CC2D2A: variants seen among roughly 807,000 people sequenced by gnomAD.
CC2D2A encodes the protein coiled-coil and C2 domain-containing protein 2A.
CC2D2A carries 155 observed loss-of-function variants against 212.9 expected under a neutral mutation model. That is an observed-to-expected ratio of 0.73 (90% CI 0.64 to 0.83). The LOEUF is 0.83. Ranked by LOEUF, CC2D2A falls within the 40% of genes least tolerant of loss-of-function variation. The pLI, the probability that CC2D2A is intolerant of heterozygous loss-of-function variation, is 0.00. For missense variants in CC2D2A, 1,856 were observed against 1,956.2 expected (o/e 0.95, Z 0.97); for synonymous variants, 667 against 686.5 (o/e 0.97, Z 0.44).
chr4:15,536,199 A>G (rs371293212), intron 14 of CC2D2A, among the ~76,000 whole-genome samples: 13 of 152,074 alleles, frequency 8.5e-5, no homozygotes, highest in African/African-American at 1.7e-4. Flanking sequence ...TCAGCAAACT[A>G]TCACAAGGAC....
At chr4:15,478,873 G>A (rs1714421358) in intron 3 of CC2D2A, 67 bp downstream of exon 3, 5 of 1,297,686 alleles carry the variant, frequency 3.9e-6, no homozygotes, top group Non-Finnish European at 5.4e-6. Context: ...CATCCCCAGG[G>A]CCATACAGAA....
intron 2 of CC2D2A, among the ~76,000 whole-genome samples, chr4:15,477,314 A>C (rs1577307192): frequency 1.3e-5 from 2 of 152,124 alleles, no homozygotes; most frequent in Admixed American, 6.5e-5. Flanking sequence ...AAAAAAAAAA[A>C]AAAACTTTAA....
intron 24 of CC2D2A, chr4:15,563,733 A>C: frequency 5.3e-6 from 3 of 564,544 alleles, no homozygotes; most frequent in East Asian, 2.9e-5. Flanking sequence ...AGAACATCTC[A>C]AATAACTCGG....
intron 28 of CC2D2A, among the ~76,000 whole-genome samples, chr4:15,573,549 C>T (rs1415705425): frequency 1.3e-5 from 2 of 152,226 alleles, no homozygotes; most frequent in African/African-American, 4.8e-5. Flanking sequence ...CCTCGGCCTC[C>T]CAAAGTGCTG....
At chr4:15,601,128 C>A in intron 36 of CC2D2A, 109 bp from the exon 37 acceptor site, 1 of 817,234 alleles carries the variant, frequency 1.2e-6, no homozygotes, top group Non-Finnish European at 1.8e-6. Flanking sequence ...AAAACACAAG[C>A]AAATAACTGA....
intron 8 of CC2D2A, 59 bp from the exon 9 acceptor site, chr4:15,514,648 A>G: frequency 3.0e-6 from 4 of 1,333,484 alleles, no homozygotes; most frequent in Non-Finnish European, 4.0e-6. Context: ...ATTGTGAATT[A>G]TTTTTCTAAC....
chr4:15,536,721 AACTTCTAT>A (rs1236717869), intron 14 of CC2D2A, among the ~76,000 whole-genome samples, 191 bp from the exon 15 acceptor site: 1 of 152,182 alleles, frequency 6.6e-6, no homozygotes, highest in Non-Finnish European at 1.5e-5. Context: ...GAACTTACTT[AACTTCTAT>A]GTGCCTCTGT....
rs1443260159 is a variant in CC2D2A, at chr4:15,527,651, G to A, written c.1354G>A (p.Asp452Asn). The change falls in exon 12 of 37, where the codon GAT becomes AAT. Residue 452 changes from aspartate (D) to asparagine (N), a missense_variant. Around this residue, in one of 5 missense-constraint regions of CC2D2A, gnomAD observed 1,512 missense variants for 1,579.3 expected, o/e 0.96. Transcript: ENST00000424120. ...GAGAAACAAGGCGAAATTTCTTACT[G>A]ATAAGGTACATGTGATTTCTTCCAT... ...HQRNKAKFLT[D>N]KLQALRNAVQ... 8.7e-6 allele frequency: 14 copies of A among 1,601,662 alleles called. No individual in the cohort carries two copies. Among genetic ancestry groups the A allele is most frequent in the Non-Finnish European group, 1.2e-5 (14 of 1,173,286 alleles).
At chr4:15,521,553 T>C (rs765951421) in intron 11 of CC2D2A, among the ~76,000 whole-genome samples, 62 of 152,208 alleles carry the variant, frequency 4.1e-4, no homozygotes, top group Non-Finnish European at 4.9e-4. Context: ...CCTAGGAGTT[T>C]CTGGCATGAT....
At position 15,589,606 on chromosome 4, in the gene CC2D2A, G is replaced by A. The variant is rs747781887; in HGVS notation, c.4241G>A (p.Ser1414Asn). 27 of 1,612,760 alleles carry A rather than the reference G, an allele frequency of 1.7e-5. 2 individuals are homozygous for A. The South Asian group carries it at 3.0e-4, about 18-fold the overall frequency. ...CGTTATTTAATATGGAATCCCTGCA[G>A]TGGACATTTTTATGGACAATTTGAT... is the stretch of plus-strand genomic sequence containing the variant. Reference protein sequence around the residue: ...QGRYLIWNPCSGHFYGQFDTF... With the variant: ...QGRYLIWNPCNGHFYGQFDTF... The change falls in exon 33 of 37, where the codon AGT (serine) becomes AAT (asparagine). Residue 1414 changes from serine (S) to asparagine (N), a missense_variant. Physicochemically the swap from Ser to Asn is conservative, Grantham distance 46 (BLOSUM62 1). This residue lies in a region of CC2D2A where 285 missense variants were observed against 278.4 expected (regional missense o/e 1.02). Coordinates refer to ENST00000424120, the MANE Select transcript of CC2D2A (RefSeq NM_001378615.1).
At chr4:15,541,342 T>A (rs1480914936) in intron 17 of CC2D2A, among the ~76,000 whole-genome samples, 3 of 151,770 alleles carry the variant, frequency 2.0e-5, no homozygotes, top group African/African-American at 7.3e-5. Flanking sequence ...TAATAATTAT[T>A]ATTATTATTA....
intron 11 of CC2D2A, among the ~76,000 whole-genome samples, chr4:15,524,428 G>C (rs909615431): frequency 7.4e-5 from 11 of 148,388 alleles, no homozygotes; most frequent in Non-Finnish European, 1.5e-4. Flanking sequence ...ACTGCACTCG[G>C]CCTTCTGTAA....
At chr4:15,470,259 A>C (rs1713633303) in intron 1 of CC2D2A, among the ~76,000 whole-genome samples, 1 of 152,196 alleles carries the variant, frequency 6.6e-6, no homozygotes, top group Non-Finnish European at 1.5e-5. Flanking sequence ...TTGAGCTGCT[A>C]TCTGGTATCT....
chr4:15,553,405 T>A (rs766538179), intron 19 of CC2D2A, 100 bp downstream of exon 19: 10 of 1,310,270 alleles, frequency 7.6e-6, no homozygotes, highest in Non-Finnish European at 9.4e-6. Flanking sequence ...TTTCCTTTTA[T>A]TGTCAGGTGC....
chr4:15,559,185 A>G lies in CC2D2A; in HGVS notation c.2850A>G (p.Arg950=). 4.5e-6 allele frequency: 7 copies of G among 1,551,484 alleles called. No homozygotes were observed. The highest frequency in any genetic ancestry group is 6.1e-6 in the Non-Finnish European group (7 of 1,147,198). The change falls in exon 22 of 37, where the codon CGA becomes CGG. Residue 950 remains arginine, a synonymous_variant. Transcript: ENST00000424120. ...KVFQDYEKRL[R]DRNVIETKEH... The stretch of plus-strand genomic sequence containing the variant: ...TTTAGGACTATGAGAAACGGTTACG[A>G]GACAGAAATGTAATAGAAACCAAGG...
intron 4 of CC2D2A, among the ~76,000 whole-genome samples, chr4:15,498,462 G>A (rs146405295): frequency 2.6e-5 from 4 of 152,084 alleles, no homozygotes; most frequent in East Asian, 3.9e-4. Context: ...TTCTGAATAC[G>A]CCTCTTTTTG....
At chr4:15,536,536 G>A (rs1020874077) in intron 14 of CC2D2A, among the ~76,000 whole-genome samples, 24 of 152,128 alleles carry the variant, frequency 1.6e-4, no homozygotes, top group African/African-American at 5.8e-4. Flanking sequence ...GTTCCTCAGA[G>A]ACTTGAAGAA....
At position 15,516,696 on chromosome 4, in the gene CC2D2A, G is replaced by A; in HGVS notation, c.1089G>A (p.Arg363=). The change falls in exon 11 of 37, where the codon AGG becomes AGA. Residue 363 remains arginine, a synonymous_variant. Coordinates refer to ENST00000424120, the MANE Select transcript of CC2D2A (RefSeq NM_001378615.1). ...ACCCCATCAAGCCATTTCCTTCAAG[G>A]CCGCCAGTACTAACACAGGAGCAGA... ...LPNPIKPFPS[R]PPVLTQEQSI... is the part of the protein sequence containing the mutation. 6.2e-7 allele frequency: 1 copy of A among 1,613,392 alleles called. No homozygotes were observed. Among genetic ancestry groups the A allele is most frequent in the Non-Finnish European group, 8.5e-7 (1 of 1,179,620 alleles).
In CC2D2A at chr4:15,537,902, G is replaced by T; in HGVS notation, c.1768G>T (p.Ala590Ser). 6.3e-7 allele frequency: 1 copy of T among 1,593,752 alleles called. No homozygotes were observed. Residue 590 changes from alanine to serine, a missense_variant, in exon 16 of 37, where the codon GCC (alanine) becomes TCC (serine). Ala to Ser is a moderately conservative substitution (Grantham distance 99). This residue lies in a region of CC2D2A where 1,512 missense variants were observed against 1,579.3 expected (regional missense o/e 0.96). Coordinates refer to ENST00000424120, the MANE Select transcript of CC2D2A (RefSeq NM_001378615.1). ...CATGTTGCCTCTAACTCAACAGAGG[G>T]CCAAGAAGAAGAAAAGGAAACAAGC... Reference protein sequence around the residue: ...QWKAWRKVQRAKKKKRKQAAE... With the variant: ...QWKAWRKVQRSKKKKRKQAAE...
Sources: gnomAD v4.1 joint callset for allele counts (sites outside exome capture counted in the v4.1 genomes callset) on GRCh38, gnomAD v4.1.1 for gene constraint, gnomAD v4.1.1 regional missense constraint, MANE v1.5 for transcripts, NCBI Gene and HGNC (gene_info 2026-07-23, HGNC 2026-07-21) for gene names.